EPC2: variants seen among roughly 807,000 people sequenced by gnomAD.
The protein encoded by EPC2 is enhancer of polycomb homolog 2.
A neutral mutation model predicts 92.1 loss-of-function variants in EPC2; 14 were observed. That is an observed-to-expected ratio of 0.15 (90% CI 0.10 to 0.24). EPC2 has a LOEUF of 0.24. Ranked by LOEUF, EPC2 falls within the 10% of genes least tolerant of loss-of-function variation. The pLI is 1.00. For synonymous variants in EPC2, 340 were observed against 334.7 expected, an observed-to-expected ratio of 1.02 and a Z score of -0.17; for missense variants, 755 against 971.5, an observed-to-expected ratio of 0.78 and a Z score of 2.96.
intron 3 of EPC2, 68 bp downstream of exon 3, chr2:148,743,835 G>A: frequency 1.6e-6 from 2 of 1,233,808 alleles, no homozygotes; most frequent in Non-Finnish European, 2.2e-6. Flanking sequence ...TAAGACCTGA[G>A]TGTGTTGCAT....
intron 10 of EPC2, among the ~76,000 whole-genome samples, chr2:148,772,320 A>C (rs1346638084): frequency 6.6e-6 from 1 of 152,170 alleles, no homozygotes; most frequent in African/African-American, 2.4e-5. Flanking sequence ...ATATCTTTAT[A>C]CATTGTATAT....
At chr2:148,726,375 T>TA (rs1290462011) in intron 2 of EPC2, among the ~76,000 whole-genome samples, 1 of 152,152 alleles carries the variant, frequency 6.6e-6, no homozygotes, top group Non-Finnish European at 1.5e-5. Context: ...CTACTCCTGT[T>TA]TTTCATAAGG....
intron 2 of EPC2, among the ~76,000 whole-genome samples, chr2:148,699,874 G>A (rs1009625593): frequency 5.3e-5 from 8 of 152,082 alleles, no homozygotes; most frequent in African/African-American, 1.2e-4. Flanking sequence ...CTATTGCCCC[G>A]CATCCTTATC....
At chr2:148,784,519 T>C in intron 12 of EPC2, 149 bp from the exon 13 acceptor site, 1 of 621,876 alleles carries the variant, frequency 1.6e-6, no homozygotes, top group Non-Finnish European at 2.7e-6. Context: ...TACTTAGTGA[T>C]CAGAAGCTCC....
intron 2 of EPC2, among the ~76,000 whole-genome samples, chr2:148,701,119 A>G (rs1041574824): frequency 6.6e-6 from 1 of 152,208 alleles, no homozygotes; most frequent in Admixed American, 6.5e-5. Flanking sequence ...TTAACTTTGT[A>G]TGCTACAGAC....
chr2:148,763,194 C>T (rs1683334986), intron 6 of EPC2, among the ~76,000 whole-genome samples: 1 of 152,076 alleles, frequency 6.6e-6, no homozygotes, highest in Admixed American at 6.6e-5. Context: ...CACCTCAAAG[C>T]TTTCTTCATT....
At chr2:148,760,172 G>A (rs1409187227) in intron 4 of EPC2, among the ~76,000 whole-genome samples, 2 of 152,088 alleles carry the variant, frequency 1.3e-5, no homozygotes, top group African/African-American at 4.8e-5. Context: ...CAGGAGAATC[G>A]CTTGAACCTG....
chr2:148,781,593 T>C lies in EPC2; in HGVS notation c.1721-51T>C, dbSNP rs887533446. On this transcript the variant is annotated intron_variant, in intron 10 of 13. Transcript: ENST00000258484. The stretch of plus-strand genomic sequence containing the variant: ...TTTATATCATATTCTGCTTGTGTTA[T>C]TAAAAATCTTTTAAAACGTACTCAT... 1.9e-6 allele frequency: 3 copies of C among 1,551,378 alleles called. No homozygotes were observed. The East Asian group carries it at 6.8e-5, about 35-fold the overall frequency.
intron 2 of EPC2, among the ~76,000 whole-genome samples, chr2:148,739,270 A>G (rs1331371562): frequency 6.6e-6 from 1 of 152,228 alleles, no homozygotes; most frequent in Non-Finnish European, 1.5e-5. Flanking sequence ...AGTATTATGA[A>G]GTAATGGGCA....
intron 1 of EPC2, among the ~76,000 whole-genome samples, chr2:148,672,752 G>A (rs184180550): frequency 5.5e-4 from 83 of 152,108 alleles, no homozygotes; most frequent in Non-Finnish European, 1.0e-3. Flanking sequence ...CAGTAGTATA[G>A]GTTCTCTATT....
At chr2:148,726,765 G>GTTTTTTTTTT (rs201293391) in intron 2 of EPC2, among the ~76,000 whole-genome samples, 1 of 100,598 alleles carries the variant, frequency 9.9e-6, no homozygotes, top group Non-Finnish European at 2.0e-5. Context: ...TTTGTTTTTT[G>GTTTTTTTTTT]TTTTTTTTTT....
chr2:148,712,848 A>C (rs553497406), intron 2 of EPC2, among the ~76,000 whole-genome samples: 1 of 152,118 alleles, frequency 6.6e-6, no homozygotes, highest in African/African-American at 2.4e-5. Flanking sequence ...ACTCCACTGC[A>C]CTCCACTCTG....
intron 11 of EPC2, 56 bp downstream of exon 11, chr2:148,781,836 T>C: frequency 2.5e-6 from 4 of 1,595,886 alleles, no homozygotes; most frequent in Non-Finnish European, 3.4e-6. Flanking sequence ...TATGTAGTTT[T>C]ATTCCATTTT....
At chr2:148,712,187 A>C (rs1337475720) in intron 2 of EPC2, among the ~76,000 whole-genome samples, 2 of 151,868 alleles carry the variant, frequency 1.3e-5, no homozygotes, top group African/African-American at 2.4e-5. Flanking sequence ...TAAGAATTTT[A>C]TACTTCTGTT....
At chr2:148,785,522 T>G (rs1349510654) in intron 13 of EPC2, among the ~76,000 whole-genome samples, 1 of 152,190 alleles carries the variant, frequency 6.6e-6, no homozygotes, top group Non-Finnish European at 1.5e-5. Flanking sequence ...GAGACGGGGT[T>G]TCACCATGTT....
chr2:148,653,484 A>G (rs1413016987), intron 1 of EPC2, among the ~76,000 whole-genome samples: 1 of 152,232 alleles, frequency 6.6e-6, no homozygotes, highest in Non-Finnish European at 1.5e-5. Flanking sequence ...TTAAATTTAC[A>G]TATTCTATCA....
At chr2:148,663,193 T>TTTA (rs1559140910) in intron 1 of EPC2, among the ~76,000 whole-genome samples, 1,111 of 98,630 alleles carry the variant, frequency 0.011, 8 homozygotes, top group Middle Eastern at 0.024. Flanking sequence ...ACTGTGTTTT[T>TTTA]GTATTATTAT....
intron 8 of EPC2, among the ~76,000 whole-genome samples, chr2:148,770,124 C>T (rs1319744131): frequency 2.0e-5 from 3 of 152,106 alleles, no homozygotes; most frequent in Non-Finnish European, 2.9e-5. Context: ...TACAGTTCAC[C>T]GTAACTTCAA....
intron 2 of EPC2, among the ~76,000 whole-genome samples, chr2:148,715,548 A>G (rs1297181309): frequency 6.6e-6 from 1 of 151,782 alleles, no homozygotes; most frequent in African/African-American, 2.4e-5. Context: ...ATGTGATCTT[A>G]TTTCTGGGTT....
Sources: gnomAD v4.1 joint callset for allele counts (sites outside exome capture counted in the v4.1 genomes callset) on GRCh38, gnomAD v4.1.1 for gene constraint, MANE v1.5 for transcripts, NCBI Gene and HGNC (gene_info 2026-07-23, HGNC 2026-07-21) for gene names.